MACF1: variants seen among roughly 807,000 people sequenced by gnomAD.
The protein encoded by MACF1 is microtubule-actin cross-linking factor 1.
Under a neutral mutation model 854.8 loss-of-function variants are expected in MACF1, and 193 were observed. That is an observed-to-expected ratio of 0.23 (90% confidence interval 0.20 to 0.25). MACF1 has a LOEUF of 0.25. Among genes scored for constraint, MACF1 ranks in the 10% least tolerant of loss-of-function variants. The pLI, the probability that MACF1 is intolerant of heterozygous loss-of-function variation, is 1.00. For synonymous variants in MACF1, 3,185 were observed against 3,226.7 expected, an observed-to-expected ratio of 0.99 and a Z score of 0.44; for missense variants, 7,722 against 8,929.1, an observed-to-expected ratio of 0.86 and a Z score of 5.45.
chr1:39,462,291 G>C (rs887476360), intron 93 of MACF1, among the ~76,000 whole-genome samples: 2 of 152,188 alleles, frequency 1.3e-5, no homozygotes, highest in African/African-American at 4.8e-5. Context: ...AGTTTACAGA[G>C]AACCTTTGCA....
rs112941949 is a variant in MACF1, at chr1:39,147,055, T to A, written c.220+62617T>A. 4.7e-3 allele frequency among the ~76,000 whole-genome samples: 713 copies of A among 151,230 alleles called. 5 individuals carry two copies. The highest frequency in any genetic ancestry group is 0.016 in the African/African-American group (657 of 41,166). On this transcript the variant is annotated intron_variant, in intron 2 of 93. Coordinates refer to the MACF1 transcript ENST00000361689. ...TTCCTTCTTCTTCTCCTCCTCCTGTTCCTCTCCTCCTCCTTCTCTCTCTTC... is the reference window on the plus strand; with the variant it reads ...TTCCTTCTTCTTCTCCTCCTCCTGTACCTCTCCTCCTCCTTCTCTCTCTTC...
intron 97 of MACF1, among the ~76,000 whole-genome samples, chr1:39,472,675 T>A (rs1440209376): frequency 6.6e-6 from 1 of 152,206 alleles, no homozygotes; most frequent in Non-Finnish European, 1.5e-5. Flanking sequence ...TAGCTAGGCA[T>A]GGCTTGGGAT....
chr1:39,107,386 G>A (rs1642272206), intron 2 of MACF1, among the ~76,000 whole-genome samples: 1 of 151,984 alleles, frequency 6.6e-6, no homozygotes, highest in African/African-American at 2.4e-5. Flanking sequence ...CCTTGATCAG[G>A]TGTATAGGAA....
In MACF1 at chr1:39,437,936, G is replaced by C. The variant is rs1463015516; in HGVS notation, c.18148G>C (p.Glu6050Gln). ...GCTAGAAAAACTGCAGCCATCCTTTGAGGCCTTGAAGCGCCGTGGAGAGGA... is the reference window on the plus strand; with the variant it reads ...GCTAGAAAAACTGCAGCCATCCTTTCAGGCCTTGAAGCGCCGTGGAGAGGA... ...VELEKLQPSF[E>Q]ALKRRGEELI... Residue 6050 changes from glutamate (E) to glutamine (Q), a missense_variant, in exon 71 of 101, where the codon GAG becomes CAG. Coordinates refer to ENST00000564288, the MANE Select transcript of MACF1 (RefSeq NM_001394062.1). The C allele has an allele frequency of 6.2e-7, 1 of 1,614,154 alleles. No individual in the cohort carries two copies. Among genetic ancestry groups the C allele is most frequent in the Non-Finnish European group, 8.5e-7 (1 of 1,180,018 alleles).
rs1644530909 is a variant in MACF1, at chr1:39,460,372, T to G, written c.21361-260T>G. On this transcript the variant is annotated intron_variant, in intron 91 of 100. Coordinates refer to ENST00000564288, the MANE Select transcript of MACF1 (RefSeq NM_001394062.1). The surrounding 1 kb of genome is among the most constrained non-coding windows in gnomAD (Gnocchi z 4.1). ...CAAGGCTGGCTTCACCCATTCTCAT[T>G]CTGTGTGCTCCATATTTTCCATGGT... 6.6e-6 allele frequency among the ~76,000 whole-genome samples: 1 copy of G among 152,220 alleles called. No homozygotes were observed. Among genetic ancestry groups the G allele is most frequent in the Non-Finnish European group, 1.5e-5 (1 of 68,034 alleles).
At chr1:39,257,913 C>T in intron 5 of MACF1, 23 bp from the exon 6 acceptor site, 3 of 1,559,538 alleles carry the variant, frequency 1.9e-6, no homozygotes, top group South Asian at 1.1e-5. Flanking sequence ...GAGCTCTGAG[C>T]CGTGCTTTTA....
intron 58 of MACF1, chr1:39,412,939 G>A: frequency 6.2e-7 from 1 of 1,601,782 alleles, no homozygotes; most frequent in Non-Finnish European, 8.5e-7. Flanking sequence ...AGTCTCCTTA[G>A]AGGAGGAGGA....
At chr1:39,246,174 G>C (rs1165024987) in intron 2 of MACF1, among the ~76,000 whole-genome samples, 1 of 152,006 alleles carries the variant, frequency 6.6e-6, no homozygotes, top group African/African-American at 2.4e-5. Context: ...AATTTTGGCT[G>C]TTCCCTGAGG....
At chr1:39,371,091 C>T (rs1020323480) in intron 51 of MACF1, among the ~76,000 whole-genome samples, 3 of 151,890 alleles carry the variant, frequency 2.0e-5, no homozygotes, top group Admixed American at 6.6e-5. Flanking sequence ...GAGGCCGAGG[C>T]GGGTGGATCA....
chr1:39,358,704 G>T lies in MACF1; in HGVS notation c.11951G>T (p.Arg3984Leu). Residue 3984 changes from arginine to leucine, a missense_variant, in exon 46 of 101, where the codon CGA (arginine) becomes CTA (leucine). Arg to Leu is a moderately radical substitution (Grantham distance 102). Coordinates refer to ENST00000564288, the MANE Select transcript of MACF1 (RefSeq NM_001394062.1). ...RYTALHSKCT[R>L]LGSHLNMLLG... is the part of the protein sequence containing the mutation. ...TTTCTTTCTCTGGCACAGTGTACACGATTAGGATCTCACCTGAATATGCTG... is the reference window on the plus strand; with the variant it reads ...TTTCTTTCTCTGGCACAGTGTACACTATTAGGATCTCACCTGAATATGCTG... The T allele has an allele frequency of 6.2e-7, 1 of 1,613,956 alleles. No individual in the cohort carries two copies. The highest frequency in any genetic ancestry group is 1.1e-5 in the South Asian group (1 of 91,016).
At chr1:39,303,118 T>C in intron 23 of MACF1, 40 bp downstream of exon 23, 4 of 1,602,622 alleles carry the variant, frequency 2.5e-6, no homozygotes, top group Non-Finnish European at 3.4e-6. Context: ...CCACCTCTGC[T>C]GTTGGCCTCG....
intron 58 of MACF1, chr1:39,414,618 G>T: frequency 2.3e-6 from 3 of 1,324,372 alleles, no homozygotes; most frequent in Non-Finnish European, 3.1e-6. Flanking sequence ...TAGTCTTTCT[G>T]TTCAGTTTTT....
rs1422574585 is a variant in MACF1, at chr1:39,342,536, C to CTT, written c.10581+1598_10581+1599dup. Among the ~76,000 whole-genome samples the CTT allele has an allele frequency of 1.5e-3, 200 of 133,634 alleles. 4 individuals are homozygous for CTT. Among genetic ancestry groups the CTT allele is most frequent in the South Asian group, 2.7e-3 (11 of 4,080 alleles). 87.7% of individuals were successfully genotyped at this position (133,634 alleles called of 152,430 possible). On this transcript the variant is annotated intron_variant, in intron 40 of 100. Transcript: ENST00000564288. ...GTTATTTACAGCATGGGTTGGCAAA[C>CTT]TTTTTTTTTTTTTTTTGTGTGACAG...
At position 39,430,682 on chromosome 1, in the gene MACF1, A is replaced by G. The variant is rs776541506; in HGVS notation, c.17131-20A>G. On this transcript the variant is annotated intron_variant, in intron 65 of 100. Transcript: ENST00000564288. ...CTTTATTTAGCAAGGTATGGCCTGA[A>G]AACTCTTTTCCCTCCTTAGGAATTA... The G allele has an allele frequency of 6.2e-7, 1 of 1,605,494 alleles. No individual in the cohort carries two copies. Among genetic ancestry groups the G allele is most frequent in the Non-Finnish European group, 8.5e-7 (1 of 1,174,386 alleles).
At chr1:39,258,157 T>C in intron 6 of MACF1, 129 bp downstream of exon 6, 1 of 773,714 alleles carries the variant, frequency 1.3e-6, no homozygotes, top group Non-Finnish European at 2.2e-6. Flanking sequence ...TGGATGGGAG[T>C]TGGAAAGGAA....
In MACF1 at chr1:39,444,101, C is replaced by T. The variant is rs574768046; in HGVS notation, c.19431+527C>T. Among the ~76,000 whole-genome samples the T allele has an allele frequency of 3.3e-5, 5 of 152,142 alleles. No individual in the cohort carries two copies. In the South Asian group the frequency reaches 1.0e-3, roughly 32 times the overall value. ...CTGTAATCCCAGCACTTTGGGAGGC[C>T]GAGGTGGGTGGATCATGAGGTCAGG... is the stretch of plus-strand genomic sequence containing the variant. On this transcript the variant is annotated intron_variant, in intron 79 of 100. Transcript: ENST00000564288.
intron 2 of MACF1, among the ~76,000 whole-genome samples, chr1:39,233,798 ATTTATTTTTT>A (rs1196855486): frequency 0.011 from 749 of 66,312 alleles, 57 homozygotes; most frequent in East Asian, 0.039. Context: ...TTTTTTTTTT[ATTTATTTTTT>A]ATTGATAATT....
At chr1:39,320,466 AT>A in intron 31 of MACF1, among the ~76,000 whole-genome samples, 1 of 152,360 alleles carries the variant, frequency 6.6e-6, no homozygotes, top group Non-Finnish European at 1.5e-5. Flanking sequence ...TGATTCTAAA[AT>A]ATGTTCCAAT....
intron 99 of MACF1, among the ~76,000 whole-genome samples, chr1:39,481,646 A>G (rs1322958218): frequency 6.6e-6 from 1 of 152,256 alleles, no homozygotes; most frequent in African/African-American, 2.4e-5. Context: ...CATGCCAGCA[A>G]TTAAGCATGT....
Sources: allele counts gnomAD v4.1 joint callset (sites outside exome capture counted in the v4.1 genomes callset), GRCh38; gene constraint gnomAD v4.1.1; non-coding constraint Gnocchi (gnomAD v3.1); transcripts MANE v1.5; gene names NCBI Gene and HGNC (gene_info 2026-07-23, HGNC 2026-07-21).